Variants in PGBD2 observed in about 807,000 individuals in gnomAD.
PGBD2 encodes the protein piggyBac transposable element derived 2.
PGBD2 carries 6 observed loss-of-function variants against 8.1 expected under a neutral mutation model. That is an observed-to-expected ratio of 0.74 (90% confidence interval 0.40 to 1.46). PGBD2 has a LOEUF of 1.46. Ranked by LOEUF, PGBD2 falls within the 40% of genes most tolerant of loss-of-function variation. PGBD2 has a pLI of 0.02. For missense variants in PGBD2, 802 were observed against 739.0 expected (o/e 1.09, Z -0.99); for synonymous variants, 318 against 272.2 (o/e 1.17, Z -1.66).
At chr1:248,919,829 G>C (rs559171948), downstream of PGBD2, 1 of 166,306 alleles carries the variant, frequency 6.0e-6, no homozygotes, top group South Asian at 2.1e-4. Flanking sequence ...GCATTTTTCT[G>C]TTGATCAGTG....
downstream of PGBD2, among the ~76,000 whole-genome samples, chr1:248,924,437 A>AT (rs1002677187): frequency 1.4e-4 from 21 of 152,136 alleles, no homozygotes; most frequent in Middle Eastern, 6.8e-3. Context: ...ATTTTGCCAA[A>AT]TTTTTTTTCA....
the PGBD2 span, among the ~76,000 whole-genome samples, chr1:248,874,344 C>T: frequency 4.7e-4 from 72 of 152,258 alleles, no homozygotes; most frequent in African/African-American, 1.5e-3. Context: ...AAACTGTTGC[C>T]GCAGGGCTAA....
At chr1:248,874,682 C>G in the PGBD2 span, among the ~76,000 whole-genome samples, 1 of 152,154 alleles carries the variant, frequency 6.6e-6, no homozygotes, top group African/African-American at 2.4e-5. Flanking sequence ...CAGGGCCGGT[C>G]CTAGCTCCTT....
At chr1:248,925,687 C>A in the PGBD2 span, among the ~76,000 whole-genome samples, 2 of 151,320 alleles carry the variant, frequency 1.3e-5, no homozygotes, top group Non-Finnish European at 2.9e-5. Context: ...ACATCTGAGA[C>A]ATCTGTGTTT....
chr1:248,905,119 G>A (rs1661597899), upstream of PGBD2, among the ~76,000 whole-genome samples: 1 of 152,164 alleles, frequency 6.6e-6, no homozygotes, highest in Non-Finnish European at 1.5e-5. Context: ...TTCTCAATTT[G>A]CTCATATGTG....
At chr1:248,901,627 C>G (rs1299483524), upstream of PGBD2, among the ~76,000 whole-genome samples, 1 of 152,112 alleles carries the variant, frequency 6.6e-6, no homozygotes, top group Non-Finnish European at 1.5e-5. Flanking sequence ...AAATCCAAAA[C>G]TATAAAAACC....
chr1:248,879,627 T>TGCTTAAGCAC, the PGBD2 span, among the ~76,000 whole-genome samples: 1 of 152,270 alleles, frequency 6.6e-6, no homozygotes, highest in Non-Finnish European at 1.5e-5. Context: ...CTCCAACTCC[T>TGCTTAAGCAC]GTGCTTAAGC....
chr1:248,894,127 G>A, the PGBD2 span, among the ~76,000 whole-genome samples: 2 of 152,154 alleles, frequency 1.3e-5, no homozygotes, highest in African/African-American at 4.8e-5. Context: ...ATTTATAGGA[G>A]TTCCTTATGT....
intron 2 of PGBD2, among the ~76,000 whole-genome samples, chr1:248,914,124 C>T (rs1338658843): frequency 6.6e-6 from 1 of 152,214 alleles, no homozygotes; most frequent in African/African-American, 2.4e-5. Context: ...CATGACTTCA[C>T]TTTCCTCATC....
chr1:248,908,602 G>A (rs949934119), intron 1 of PGBD2, among the ~76,000 whole-genome samples: 1 of 151,854 alleles, frequency 6.6e-6, no homozygotes, highest in Non-Finnish European at 1.5e-5. Context: ...ATCTATGTTG[G>A]GGCCTGCATA....
At chr1:248,874,275 G>A in the PGBD2 span, among the ~76,000 whole-genome samples, 154 of 152,230 alleles carry the variant, frequency 1.0e-3, 1 homozygote, top group South Asian at 2.1e-3. Flanking sequence ...GTTAGGATTC[G>A]GCGCTCTCAC....
At chr1:248,883,584 C>CTTTTTTTTTTTTTTTTTTTTTTTTTTTTT in the PGBD2 span, among the ~76,000 whole-genome samples, 1 of 89,164 alleles carries the variant, frequency 1.1e-5, no homozygotes, top group Non-Finnish European at 2.1e-5. Flanking sequence ...TTTTTTTTTT[C>CTTTTTTTTTTTTTTTTTTTTTTTTTTTTT]TTTTTTTTTT....
At chr1:248,885,334 T>C in the PGBD2 span, among the ~76,000 whole-genome samples, 2 of 148,802 alleles carry the variant, frequency 1.3e-5, no homozygotes, top group African/African-American at 5.0e-5. Context: ...AGAGATGGGG[T>C]TTTGCTACGT....
chr1:248,879,573 A>G, the PGBD2 span, among the ~76,000 whole-genome samples: 27 of 151,396 alleles, frequency 1.8e-4, no homozygotes, highest in Admixed American at 9.2e-4. Flanking sequence ...TTTTTTTCTT[A>G]TCTTTTGTAG....
downstream of PGBD2, among the ~76,000 whole-genome samples, chr1:248,920,883 T>C (rs1391623619): frequency 6.6e-6 from 1 of 152,254 alleles, no homozygotes; most frequent in African/African-American, 2.4e-5. Flanking sequence ...TTTGCATTTA[T>C]CTAATGACCA....
At chr1:248,924,629 A>G (rs1228746383), downstream of PGBD2, among the ~76,000 whole-genome samples, 1 of 152,246 alleles carries the variant, frequency 6.6e-6, no homozygotes, top group Non-Finnish European at 1.5e-5. Flanking sequence ...GTCCAGATGC[A>G]TAGGGAGTTT....
In PGBD2 at chr1:248,914,855, C is replaced by G. The variant is rs534347736; in HGVS notation, c.17+976C>G. ...CTGTGGGGCCTGGTTCTCTCTGGCTCTGCTCTGCTCTCTTGTCTTCATTGC... is the reference window on the plus strand; with the variant it reads ...CTGTGGGGCCTGGTTCTCTCTGGCTGTGCTCTGCTCTCTTGTCTTCATTGC... On this transcript the variant is annotated intron_variant, in intron 2 of 2. Coordinates refer to ENST00000329291, the MANE Select transcript of PGBD2 (RefSeq NM_170725.3). Among the ~76,000 whole-genome samples the G allele has an allele frequency of 7.2e-5, 11 of 152,332 alleles. 1 individual carries two copies. The South Asian group carries it at 2.3e-3, about 32-fold the overall frequency.
At chr1:248,902,050 C>T (rs111635840), upstream of PGBD2, among the ~76,000 whole-genome samples, 766 of 152,270 alleles carry the variant, frequency 5.0e-3, 4 homozygotes, top group Middle Eastern at 0.017. Context: ...AAGCGGATCA[C>T]TTGAGACTAG....
At chr1:248,909,027 A>G (rs1661766814) in intron 1 of PGBD2, among the ~76,000 whole-genome samples, 2 of 152,212 alleles carry the variant, frequency 1.3e-5, no homozygotes, top group South Asian at 4.1e-4. Flanking sequence ...ATGCATATAT[A>G]CCTGGCACCC....
Sources: allele counts gnomAD v4.1 joint callset (sites outside exome capture counted in the v4.1 genomes callset), GRCh38; gene constraint gnomAD v4.1.1; transcripts MANE v1.5; gene names NCBI Gene and HGNC (gene_info 2026-07-23, HGNC 2026-07-21).